The following DLGAP1 variants were observed in gnomAD, a reference collection of about 807,000 sequenced individuals.
The protein encoded by DLGAP1 is DLG associated protein 1, also known as disks large-associated protein 1.
A neutral mutation model predicts 90.8 loss-of-function variants in DLGAP1; 11 were observed. The observed-to-expected ratio is 0.12, with a 90% CI of 0.08 to 0.20. DLGAP1 has a LOEUF of 0.20. DLGAP1 is among the 10% of genes least tolerant of loss of function. The pLI, the probability that DLGAP1 is intolerant of heterozygous loss-of-function variation, is 1.00. For missense variants in DLGAP1, 1,050 were observed against 1,333.8 expected (o/e 0.79, Z 3.31); for synonymous variants, 558 against 540.7 (o/e 1.03, Z -0.44).
rs181751557 is a variant in DLGAP1, at chr18:3,559,834, G to C, written c.2057+7656C>G. 6.3e-3 allele frequency among the ~76,000 whole-genome samples: 953 copies of C among 151,732 alleles called. 1 individual carries two copies. Among genetic ancestry groups the C allele is most frequent in the Non-Finnish European group, 8.9e-3 (602 of 67,906 alleles). The stretch of plus-strand genomic sequence containing the variant: ...TACGGGGTTTCACCATATTGTCTAG[G>C]CTGGTCTTGAACTCCTGACCTCGTG... On this transcript the variant is annotated intron_variant, in intron 9 of 12. Coordinates refer to ENST00000315677, the MANE Select transcript of DLGAP1 (RefSeq NM_004746.4).
intron 1 of DLGAP1, among the ~76,000 whole-genome samples, chr18:4,424,303 T>C (rs2083105342): frequency 6.6e-6 from 1 of 152,166 alleles, no homozygotes; most frequent in African/African-American, 2.4e-5. Flanking sequence ...CAAACTTTTC[T>C]CCTTTTTAGT....
intron 1 of DLGAP1, among the ~76,000 whole-genome samples, chr18:4,345,879 T>C (rs1367835496): frequency 6.6e-6 from 1 of 152,248 alleles, no homozygotes; most frequent in African/African-American, 2.4e-5. Flanking sequence ...AATATAGTTT[T>C]CAAACTCTTA....
chr18:3,957,742 T>C (rs548699387), intron 3 of DLGAP1, among the ~76,000 whole-genome samples: 2 of 152,306 alleles, frequency 1.3e-5, no homozygotes, highest in African/African-American at 2.4e-5. Context: ...CTCAAATTCA[T>C]AGTTGATAGA....
intron 2 of DLGAP1, among the ~76,000 whole-genome samples, chr18:4,107,390 T>C (rs1437600800): frequency 6.6e-6 from 1 of 152,214 alleles, no homozygotes; most frequent in African/African-American, 2.4e-5. Flanking sequence ...GTGCGATCGA[T>C]GAAGAATACC....
chr18:4,189,348 T>G (rs1248830229), intron 1 of DLGAP1, among the ~76,000 whole-genome samples: 1 of 152,134 alleles, frequency 6.6e-6, no homozygotes, highest in African/African-American at 2.4e-5. Context: ...ATAAGAACAG[T>G]TGTAGCTTAA....
chr18:3,804,480 A>G (rs75250022), intron 5 of DLGAP1, among the ~76,000 whole-genome samples: 3 of 152,212 alleles, frequency 2.0e-5, no homozygotes, highest in Admixed American at 6.5e-5. Flanking sequence ...GGCTGCGTGG[A>G]TATTTTTAAC....
rs537953238 is a variant in DLGAP1, at chr18:4,117,076, C to A, written c.-159+34104G>T. Among the ~76,000 whole-genome samples, 5 of 152,110 alleles carry A rather than the reference C, an allele frequency of 3.3e-5. No individual in the cohort carries two copies. In the South Asian group the frequency reaches 1.0e-3, roughly 32 times the overall value. ...TAATGGAATACCACTGGTGTCCTTC[C>A]AAAAAGAGGAGATTAGATACACACA... On this transcript the variant is annotated intron_variant, in intron 2 of 12. Coordinates refer to ENST00000315677, the MANE Select transcript of DLGAP1 (RefSeq NM_004746.4).
At position 4,263,817 on chromosome 18, in the gene DLGAP1, A is replaced by G. The variant is rs200515698; in HGVS notation, c.-266-112530T>C. On this transcript the variant is annotated intron_variant, in intron 1 of 12. Transcript: ENST00000315677. ...TTAATGTGTTTTTTCTTTTAGATAG[A>G]TTTCAGTTACTTCAGAACATTAAAC... Among the ~76,000 whole-genome samples the G allele has an allele frequency of 1.9e-4, 29 of 152,240 alleles. No individual in the cohort carries two copies. The East Asian group carries it at 5.6e-3, about 29-fold the overall frequency.
intron 4 of DLGAP1, among the ~76,000 whole-genome samples, chr18:3,859,962 G>A (rs1226189645): frequency 6.6e-6 from 1 of 152,040 alleles, no homozygotes; most frequent in African/African-American, 2.4e-5. Context: ...AGCCAGGCGT[G>A]GTGGTGGGCA....
intron 2 of DLGAP1, among the ~76,000 whole-genome samples, chr18:4,014,884 G>A (rs952348069): frequency 1.1e-4 from 17 of 152,148 alleles, no homozygotes; most frequent in African/African-American, 4.1e-4. Context: ...GTGGATGCCA[G>A]GTGCCAGCCT....
chr18:4,428,721 T>G (rs1178465335), intron 1 of DLGAP1, among the ~76,000 whole-genome samples: 1 of 152,184 alleles, frequency 6.6e-6, no homozygotes, highest in Non-Finnish European at 1.5e-5. Flanking sequence ...ATGCTTCCTG[T>G]ACAGCTGTGG....
chr18:4,128,820 A>AT (rs1453564187), intron 2 of DLGAP1, among the ~76,000 whole-genome samples: 3 of 152,140 alleles, frequency 2.0e-5, no homozygotes, highest in Non-Finnish European at 2.9e-5. Flanking sequence ...CTGACTTTCC[A>AT]TATGACATTT....
intron 2 of DLGAP1, among the ~76,000 whole-genome samples, chr18:4,046,700 A>T (rs182806042): frequency 6.6e-6 from 1 of 152,398 alleles, no homozygotes; most frequent in East Asian, 1.9e-4. Context: ...TTAAACTTAC[A>T]TCACTAGTAA....
chr18:3,702,544 G>A (rs1793429184), intron 7 of DLGAP1, among the ~76,000 whole-genome samples: 1 of 152,194 alleles, frequency 6.6e-6, no homozygotes, highest in South Asian at 2.1e-4. Flanking sequence ...GGCGCCCTAG[G>A]ATCCTGGGCT....
At chr18:3,619,074 C>A (rs2058001056) in intron 7 of DLGAP1, among the ~76,000 whole-genome samples, 1 of 152,128 alleles carries the variant, frequency 6.6e-6, no homozygotes, top group Non-Finnish European at 1.5e-5. Flanking sequence ...GGCCAGCCAC[C>A]CGCAAGCCAC....
chr18:3,654,381 C>A (rs79552159), intron 7 of DLGAP1, among the ~76,000 whole-genome samples: 3,153 of 152,192 alleles, frequency 0.021, 61 homozygotes, highest in Admixed American at 0.058. Context: ...CCACTAATAA[C>A]CTCTAGCAAA....
chr18:4,005,026 T>G (rs1432133737), intron 3 of DLGAP1, 90 bp downstream of exon 3: 1 of 152,042 alleles, frequency 6.6e-6, no homozygotes, highest in Admixed American at 6.6e-5. Flanking sequence ...GAAATTTAGA[T>G]GTACATGCCT....
At chr18:3,737,389 A>G (rs1163306626) in intron 6 of DLGAP1, among the ~76,000 whole-genome samples, 2 of 147,794 alleles carry the variant, frequency 1.4e-5, no homozygotes, top group African/African-American at 2.5e-5. Flanking sequence ...ATACTGGCAA[A>G]ACGAATCCAG....
intron 5 of DLGAP1, among the ~76,000 whole-genome samples, chr18:3,756,858 AC>A (rs1379562628): frequency 2.0e-5 from 3 of 152,032 alleles, no homozygotes; most frequent in South Asian, 2.1e-4. Flanking sequence ...TTCTAAAAAA[AC>A]CCCCAAATTA....
Sources: gnomAD v4.1 joint callset for allele counts (sites outside exome capture counted in the v4.1 genomes callset) on GRCh38, gnomAD v4.1.1 for gene constraint, MANE v1.5 for transcripts, NCBI Gene and HGNC (gene_info 2026-07-23, HGNC 2026-07-21) for gene names.